TMPRSS11F: variants seen among roughly 807,000 people sequenced by gnomAD.
TMPRSS11F encodes the protein transmembrane serine protease 11F, also known as transmembrane protease serine 11F.
Under a neutral mutation model 60.2 loss-of-function variants are expected in TMPRSS11F, and 47 were observed. The observed-to-expected ratio is 0.78, with a 90% confidence interval of 0.62 to 1.00. The LOEUF (loss-of-function observed/expected upper bound fraction) is 1.00. Ranked by LOEUF, TMPRSS11F falls within the 50% of genes least tolerant of loss-of-function variation. TMPRSS11F has a pLI of 0.00. For synonymous variants in TMPRSS11F, 166 were observed against 167.3 expected (o/e 0.99, Z 0.06); for missense variants, 519 against 522.9 (o/e 0.99, Z 0.07).
intron 3 of TMPRSS11F, among the ~76,000 whole-genome samples, chr4:68,078,489 GA>G (rs1238273031): frequency 1.3e-5 from 2 of 152,264 alleles, no homozygotes; most frequent in African/African-American, 2.4e-5. Flanking sequence ...TCTACACTAT[GA>G]ACTGTGGTAA....
intron 6 of TMPRSS11F, among the ~76,000 whole-genome samples, 192 bp downstream of exon 6, chr4:68,069,777 A>T (rs1489845493): frequency 6.6e-6 from 1 of 152,226 alleles, no homozygotes; most frequent in Middle Eastern, 3.4e-3. Context: ...TAAACTTAGA[A>T]TTGTATTTGG....
chr4:68,090,660 A>C lies in TMPRSS11F; in HGVS notation c.164-19T>G, dbSNP rs749726360. ...TTATCATCTGAAAGGTAAAACAAACAAAAGTCTCATGGTTAAAGGTAATAA... is the reference window on the plus strand; with the variant it reads ...TTATCATCTGAAAGGTAAAACAAACCAAAGTCTCATGGTTAAAGGTAATAA... On this transcript the variant is annotated intron_variant, in intron 2 of 9. Transcript: ENST00000356291. 4.4e-6 allele frequency: 7 copies of C among 1,583,856 alleles called. No individual in the cohort carries two copies. The Admixed American group carries it at 1.3e-4, about 29-fold the overall frequency.
intron 1 of TMPRSS11F, among the ~76,000 whole-genome samples, chr4:68,116,285 A>G (rs536092443): frequency 4.6e-5 from 7 of 152,302 alleles, no homozygotes; most frequent in Admixed American, 3.9e-4. Flanking sequence ...TGGGAATGCA[A>G]AATGGTACCT....
At chr4:68,114,533 A>G (rs1228418426) in intron 1 of TMPRSS11F, among the ~76,000 whole-genome samples, 2 of 152,154 alleles carry the variant, frequency 1.3e-5, no homozygotes, top group Non-Finnish European at 2.9e-5. Flanking sequence ...CAGATGTCTG[A>G]ATAGTACATA....
intron 2 of TMPRSS11F, among the ~76,000 whole-genome samples, chr4:68,091,765 C>A (rs147391288): frequency 0.51 from 58,153 of 114,516 alleles, 13,054 homozygotes; most frequent in Non-Finnish European, 0.63. Flanking sequence ...CTCTCTCTCT[C>A]TCTCTCTCTC....
chr4:68,116,723 C>G (rs1158844832), intron 1 of TMPRSS11F, among the ~76,000 whole-genome samples: 1 of 151,898 alleles, frequency 6.6e-6, no homozygotes, highest in African/African-American at 2.4e-5. Context: ...GACAAGGGTA[C>G]CAAGAATACA....
At chr4:68,117,321 G>T (rs554324224) in intron 1 of TMPRSS11F, among the ~76,000 whole-genome samples, 119 of 151,806 alleles carry the variant, frequency 7.8e-4, no homozygotes, top group Non-Finnish European at 1.5e-3. Context: ...CAGAAAATTA[G>T]CTGGGTGAGG....
intron 1 of TMPRSS11F, among the ~76,000 whole-genome samples, chr4:68,117,593 T>C (rs1210294366): frequency 6.8e-6 from 1 of 147,754 alleles, no homozygotes; most frequent in Admixed American, 6.7e-5. Flanking sequence ...ATCAGGAAAA[T>C]GCAAGTCAAA....
chr4:68,073,671 A>AT (rs1723524959), intron 4 of TMPRSS11F, among the ~76,000 whole-genome samples: 1 of 126,442 alleles, frequency 7.9e-6, no homozygotes, highest in Admixed American at 7.5e-5. Context: ...AGCTTAAGAG[A>AT]CGGGGGGAAG....
Position 68,090,604 on chromosome 4 carries a change from G to T in TMPRSS11F, c.201C>A (p.Val67=). ...KSFYYLASFK[V]TNIKYKENYG... Reference sequence around the variant, plus strand: ...AATTTTCTTTATATTTGATATTTGTGACTTTAAAAGAGGCAAGGTAATAGA... The same window carrying T: ...AATTTTCTTTATATTTGATATTTGTTACTTTAAAAGAGGCAAGGTAATAGA... The change falls in exon 3 of 10, where the codon GTC becomes GTA. Residue 67 remains valine, a synonymous_variant. Transcript: ENST00000356291. The T allele has an allele frequency of 6.2e-7, 1 of 1,601,070 alleles. No individual in the cohort carries two copies. The highest frequency in any genetic ancestry group is 1.1e-5 in the South Asian group (1 of 90,314).
rs1261174212 is a variant in TMPRSS11F at position 68,090,639 on chromosome 4, C to T, written c.166G>A (p.Asp56Asn). Residue 56 changes from aspartate to asparagine, a missense_variant and splice_region_variant, in exon 3 of 10, where the codon GAT becomes AAT. Coordinates refer to ENST00000356291, the MANE Select transcript of TMPRSS11F (RefSeq NM_207407.2). ...GIVTHFVVED[D>N]KSFYYLASFK... ...GAGGCAAGGTAATAGAAAGACTTAT[C>T]ATCTGAAAGGTAAAACAAACAAAAG... 6.3e-7 allele frequency: 1 copy of T among 1,591,342 alleles called. No homozygotes were observed. The highest frequency in any genetic ancestry group is 8.6e-7 in the Non-Finnish European group (1 of 1,168,472).
chr4:68,063,746 C>G (rs2109834894), intron 8 of TMPRSS11F, among the ~76,000 whole-genome samples: 1 of 152,120 alleles, frequency 6.6e-6, no homozygotes, highest in South Asian at 2.1e-4. Context: ...TTAATTTATA[C>G]AATTACTAGA....
intron 2 of TMPRSS11F, among the ~76,000 whole-genome samples, chr4:68,094,579 T>C (rs1276262656): frequency 1.3e-5 from 2 of 150,030 alleles, no homozygotes; most frequent in African/African-American, 4.9e-5. Context: ...TAAAAATAAA[T>C]AAATAAATAA....
At chr4:68,095,792 A>G (rs976877477) in intron 2 of TMPRSS11F, among the ~76,000 whole-genome samples, 5 of 146,922 alleles carry the variant, frequency 3.4e-5, no homozygotes, top group African/African-American at 1.0e-4. Context: ...GCTACTTGGG[A>G]GGCTGAGGCA....
Position 68,128,161 on chromosome 4 carries a change from G to A in TMPRSS11F, c.11+1649C>T, listed in dbSNP as rs116640182. Among the ~76,000 whole-genome samples, 510 of 152,118 alleles carry A rather than the reference G, an allele frequency of 3.4e-3. 2 individuals are homozygous for A. The highest frequency in any genetic ancestry group is 6.5e-3 in the Non-Finnish European group (440 of 67,942). On this transcript the variant is annotated intron_variant, in intron 1 of 9. Coordinates refer to ENST00000356291, the MANE Select transcript of TMPRSS11F (RefSeq NM_207407.2). ...TTCATTCTTTGAGACTAGATCCCTT[G>A]GGCAAAATACCTTTACTAATGAATT...
chr4:68,090,614 G>T lies in TMPRSS11F; in HGVS notation c.191C>A (p.Ser64Tyr), dbSNP rs371029881. The change falls in exon 3 of 10, where the codon TCT (serine) becomes TAT (tyrosine). Residue 64 changes from serine to tyrosine, a missense_variant. By Grantham distance (144) the Ser-to-Tyr change is moderately radical (BLOSUM62 -2). Coordinates refer to ENST00000356291, the MANE Select transcript of TMPRSS11F (RefSeq NM_207407.2). Reference sequence around the variant, plus strand: ...ATATTTGATATTTGTGACTTTAAAAGAGGCAAGGTAATAGAAAGACTTATC... The same window carrying T: ...ATATTTGATATTTGTGACTTTAAAATAGGCAAGGTAATAGAAAGACTTATC... The part of the protein sequence containing the change: ...EDDKSFYYLA[S>Y]FKVTNIKYKE... 1 of 1,600,420 alleles carries T rather than the reference G, an allele frequency of 6.2e-7. No individual in the cohort carries two copies. The highest frequency in any genetic ancestry group is 8.5e-7 in the Non-Finnish European group (1 of 1,172,170).
At chr4:68,078,020 ACCTGCCCTGC>A (rs912937736) in intron 3 of TMPRSS11F, among the ~76,000 whole-genome samples, 3 of 152,118 alleles carry the variant, frequency 2.0e-5, no homozygotes, top group African/African-American at 7.2e-5. Flanking sequence ...GGCTGGGCTG[ACCTGCCCTGC>A]CCTGCCCTGC....
intron 1 of TMPRSS11F, among the ~76,000 whole-genome samples, chr4:68,102,872 AC>A (rs907115808): frequency 5.9e-5 from 9 of 151,850 alleles, no homozygotes; most frequent in Non-Finnish European, 1.3e-4. Context: ...TTGGTGTGAT[AC>A]CCAAAAAATC....
At chr4:68,061,905 A>G in intron 8 of TMPRSS11F, 1 of 425,048 alleles carries the variant, frequency 2.4e-6, no homozygotes, top group Non-Finnish European at 4.6e-6. Context: ...TTTAAAAAAA[A>G]ATTAACATAT....
Sources: allele counts gnomAD v4.1 joint callset (sites outside exome capture counted in the v4.1 genomes callset), GRCh38; gene constraint gnomAD v4.1.1; transcripts MANE v1.5; gene names NCBI Gene and HGNC (gene_info 2026-07-23, HGNC 2026-07-21).